Variants in CATSPER4 observed in about 807,000 individuals in gnomAD.
CATSPER4 encodes cation channel sperm-associated protein 4.
Under a neutral mutation model 54.4 loss-of-function variants are expected in CATSPER4, and 46 were observed. The ratio of observed to expected loss-of-function variants is 0.84; its 90% CI spans 0.67 to 1.08. CATSPER4 has a LOEUF of 1.08. CATSPER4 is among the 50% of genes least tolerant of loss of function. The pLI, the probability that CATSPER4 is intolerant of heterozygous loss-of-function variation, is 0.00. For synonymous variants in CATSPER4, 230 were observed against 231.9 expected, an observed-to-expected ratio of 0.99 and a Z score of 0.08; for missense variants, 574 against 612.8, an observed-to-expected ratio of 0.94 and a Z score of 0.67.
At chr1:26,199,028 C>T (rs995789598) in intron 6 of CATSPER4, among the ~76,000 whole-genome samples, 2 of 152,138 alleles carry the variant, frequency 1.3e-5, no homozygotes, top group Non-Finnish European at 2.9e-5. Flanking sequence ...TGGCCGGGGC[C>T]GGGCGCGGTG....
Position 26,202,959 on chromosome 1 carries a change from T to C in CATSPER4, c.*417T>C, listed in dbSNP as rs1272184619. 1 of 222,498 alleles carries C rather than the reference T, an allele frequency of 4.5e-6. No individual in the cohort carries two copies. Among genetic ancestry groups the C allele is most frequent in the Non-Finnish European group, 9.0e-6 (1 of 110,542 alleles). 13.8% of individuals were successfully genotyped at this position (222,498 alleles called of 1,614,324 possible). ...TGTGTGTTGACAATAAAGTTTTGTG[T>C]TGGAATCAATGTCTCTGACTGGTGG... On this transcript the variant is annotated 3_prime_UTR_variant, in exon 10 of 10. Coordinates refer to ENST00000456354, the MANE Select transcript of CATSPER4 (RefSeq NM_198137.2).
At chr1:26,199,092 G>A (rs1272822935) in intron 6 of CATSPER4, among the ~76,000 whole-genome samples, 3 of 152,032 alleles carry the variant, frequency 2.0e-5, no homozygotes, top group African/African-American at 7.2e-5. Flanking sequence ...AGCTCACGAG[G>A]TCAGATCAAG....
intron 3 of CATSPER4, among the ~76,000 whole-genome samples, chr1:26,194,868 C>G (rs1390248918): frequency 6.6e-6 from 1 of 152,096 alleles, no homozygotes; most frequent in African/African-American, 2.4e-5. Context: ...AAGAGGATCA[C>G]TTGAGGCTAG....
At chr1:26,199,825 A>G in intron 6 of CATSPER4, 59 bp from the exon 7 acceptor site, 1 of 1,588,798 alleles carries the variant, frequency 6.3e-7, no homozygotes, top group African/African-American at 1.3e-5. Context: ...TTTCAATGAC[A>G]AGGAAACTCA....
chr1:26,201,651 C>G, intron 9 of CATSPER4, 132 bp downstream of exon 9: 3 of 788,634 alleles, frequency 3.8e-6, no homozygotes, highest in Non-Finnish European at 6.4e-6. Context: ...CACCACCACC[C>G]CTCCTTTTTT....
chr1:26,200,952 A>C lies in CATSPER4; in HGVS notation c.1110A>C (p.Ser370=). 1 of 1,614,144 alleles carries C rather than the reference A, an allele frequency of 6.2e-7. No individual in the cohort carries two copies. Among genetic ancestry groups the C allele is most frequent in the Non-Finnish European group, 8.5e-7 (1 of 1,180,016 alleles). The change falls in exon 8 of 10, where the codon TCA becomes TCC. Residue 370 remains serine, a synonymous_variant. Transcript: ENST00000456354. The part of the protein sequence containing the change: ...PLAGGPLSNL[S]ENTCDNFCLV... ...CGGGAGGCCCCCTGTCGAACCTCTC[A>C]GAAAACACGTGTGACAACTTTTGCT...
rs367781080 is a variant in CATSPER4, at chr1:26,201,436, T to A, written c.1282T>A (p.Ser428Thr). ...VLNRRSSTSG[S>T]LETTSSKDIR... ...GAACAGGCGCTCGTCGACGAGCGGG[T>A]CGTTGGAGACTACGTCATCCAAGGA... The change falls in exon 9 of 10, where the codon TCG (serine) becomes ACG (threonine). Residue 428 changes from serine to threonine, a missense_variant. Coordinates refer to ENST00000456354, the MANE Select transcript of CATSPER4 (RefSeq NM_198137.2). 4.1e-5 allele frequency: 66 copies of A among 1,613,896 alleles called. No homozygotes were observed. The highest frequency in any genetic ancestry group is 5.3e-5 in the African/African-American group (4 of 74,890).
chr1:26,198,943 G>A (rs1288297559), intron 6 of CATSPER4, among the ~76,000 whole-genome samples: 3 of 152,138 alleles, frequency 2.0e-5, no homozygotes, highest in Non-Finnish European at 4.4e-5. Flanking sequence ...CTACATGTGA[G>A]TATAGAAGCC....
In CATSPER4 at chr1:26,201,497, G is replaced by A; in HGVS notation, c.1343G>A (p.Ser448Asn). 6.2e-7 allele frequency: 1 copy of A among 1,614,044 alleles called. No individual in the cohort carries two copies. Among genetic ancestry groups the A allele is most frequent in the Non-Finnish European group, 8.5e-7 (1 of 1,179,978 alleles). ...ATGTCTCAACAGCAAGACTTGCTCA[G>A]TGCGCTCGTTAGCATGGAAAAGGTG... ...RQMSQQQDLL[S>N]ALVSMEKVHD... Residue 448 changes from serine to asparagine, a missense_variant, in exon 9 of 10, where the codon AGT (serine) becomes AAT (asparagine). By Grantham distance (46) the Ser-to-Asn change is conservative. Coordinates refer to ENST00000456354, the MANE Select transcript of CATSPER4 (RefSeq NM_198137.2).
In CATSPER4 at chr1:26,197,801, G is replaced by C; in HGVS notation, c.557+18G>C. The C allele has an allele frequency of 3.1e-6, 5 of 1,609,786 alleles. No individual in the cohort carries two copies. Among genetic ancestry groups the C allele is most frequent in the Non-Finnish European group, 4.3e-6 (5 of 1,176,174 alleles). On this transcript the variant is annotated intron_variant, in intron 4 of 9. Transcript: ENST00000456354. ...ACTCTCAGGTGAGCGGGGAGCTCTG[G>C]AGAAATGAGGGGGACCTATCTGGAA...
intron 7 of CATSPER4, 135 bp from the exon 8 acceptor site, chr1:26,200,695 G>A (rs1019198745): frequency 1.4e-6 from 1 of 718,116 alleles, no homozygotes; most frequent in African/African-American, 1.9e-5. Flanking sequence ...GTGAGGCTAA[G>A]ATTGGTGAGA....
Position 26,190,661 on chromosome 1 carries a change from T to C in CATSPER4, c.34T>C (p.Trp12Arg), listed in dbSNP as rs749608817. 5.0e-6 allele frequency: 8 copies of C among 1,607,870 alleles called. No individual in the cohort carries two copies. Among genetic ancestry groups the C allele is most frequent in the Non-Finnish European group, 6.8e-6 (8 of 1,179,828 alleles). ...RDNEKAWWQQ[W>R]TSHTGLEGWG... Reference sequence around the variant, plus strand: ...TAATGAAAAGGCCTGGTGGCAGCAATGGACCTCCCATACAGGCCTCGAGGG... The same window carrying C: ...TAATGAAAAGGCCTGGTGGCAGCAACGGACCTCCCATACAGGCCTCGAGGG... Residue 12 changes from tryptophan to arginine, a missense_variant, in exon 1 of 10, where the codon TGG becomes CGG. Physicochemically the swap from Trp to Arg is moderately radical, Grantham distance 101. Coordinates refer to ENST00000456354, the MANE Select transcript of CATSPER4 (RefSeq NM_198137.2).
In CATSPER4 at chr1:26,202,556, G is replaced by A. The variant is rs1369499802; in HGVS notation, c.*14G>A. On this transcript the variant is annotated 3_prime_UTR_variant, in exon 10 of 10. Transcript: ENST00000456354. ...AGCAGCCACTGAGAGGCCAGGATGG[G>A]AGCCAAGGGGCCTGCACACACACAC... The A allele has an allele frequency of 6.2e-7, 1 of 1,607,946 alleles. No homozygotes were observed. Among genetic ancestry groups the A allele is most frequent in the Non-Finnish European group, 8.5e-7 (1 of 1,176,652 alleles).
intron 1 of CATSPER4, 85 bp from the exon 2 acceptor site, chr1:26,191,202 G>GAACCCCCATTCTCTAAGAGCA: frequency 6.5e-7 from 1 of 1,535,164 alleles, no homozygotes; most frequent in Non-Finnish European, 8.9e-7. Flanking sequence ...TGGGCCCCAG[G>GAACCCCCATTCTCTAAGAGCA]AACCCCCATT....
rs542066809 is a variant in CATSPER4, at chr1:26,198,681, A to C, written c.812+262A>C. Among the ~76,000 whole-genome samples, 3 of 152,324 alleles carry C rather than the reference A, an allele frequency of 2.0e-5. No individual in the cohort carries two copies. In the South Asian group the frequency reaches 6.2e-4, roughly 32 times the overall value. On this transcript the variant is annotated intron_variant, in intron 6 of 9. Coordinates refer to ENST00000456354, the MANE Select transcript of CATSPER4 (RefSeq NM_198137.2). ...CTCCCATCATGCTAACCAGCTGGGTAGTTGGCCTTGGATAAGGCAGCAGGT... is the reference window on the plus strand; with the variant it reads ...CTCCCATCATGCTAACCAGCTGGGTCGTTGGCCTTGGATAAGGCAGCAGGT...
intron 9 of CATSPER4, 22 bp from the exon 10 acceptor site, chr1:26,202,467 A>C (rs1383649669): frequency 6.2e-7 from 1 of 1,609,028 alleles, no homozygotes; most frequent in East Asian, 2.2e-5. Context: ...GGGGATTAAC[A>C]AGAAGACCTC....
In CATSPER4 at chr1:26,193,894, A is replaced by C. The variant is rs1483146784; in HGVS notation, c.459+6A>C. On this transcript the variant is annotated splice_donor_region_variant and intron_variant, in intron 3 of 9. Coordinates refer to ENST00000456354, the MANE Select transcript of CATSPER4 (RefSeq NM_198137.2). ...GCTTCTGGATTTTCTGGAAGGTGAG[A>C]TCCTGAGCCCTTTGCCCCTACTTCC... The C allele has an allele frequency of 6.2e-7, 1 of 1,607,550 alleles. No homozygotes were observed. Among genetic ancestry groups the C allele is most frequent in the African/African-American group, 1.3e-5 (1 of 74,752 alleles).
In CATSPER4 at chr1:26,190,881, T is replaced by G. The variant is rs1346393045; in HGVS notation, c.213+41T>G. 8 of 1,552,534 alleles carry G rather than the reference T, an allele frequency of 5.2e-6. No individual in the cohort carries two copies. In the East Asian group the frequency reaches 1.6e-4, roughly 32 times the overall value. On this transcript the variant is annotated intron_variant, in intron 1 of 9. Coordinates refer to ENST00000456354, the MANE Select transcript of CATSPER4 (RefSeq NM_198137.2). ...GCCCCACAGTGGCCCCTTCTGCAGC[T>G]GTGCTCATGGGCAGCAGGCCCTCAT...
In CATSPER4 at chr1:26,201,024, C is replaced by T; in HGVS notation, c.1182C>T (p.Ile394=). 1 of 1,613,764 alleles carries T rather than the reference C, an allele frequency of 6.2e-7. No individual in the cohort carries two copies. Among genetic ancestry groups the T allele is most frequent in the Non-Finnish European group, 8.5e-7 (1 of 1,179,654 alleles). The change falls in exon 8 of 10, where the codon ATC becomes ATT. Residue 394 remains isoleucine, a synonymous_variant. Coordinates refer to ENST00000456354, the MANE Select transcript of CATSPER4 (RefSeq NM_198137.2). ...IQENLRQYKE[I]RDELNMIVEE... ...AGAACCTGAGGCAGTACAAGGAGAT[C>T]CGAGATGAACTCAACATGTAGGGGA...
Sources: allele counts gnomAD v4.1 joint callset (sites outside exome capture counted in the v4.1 genomes callset), GRCh38; gene constraint gnomAD v4.1.1; transcripts MANE v1.5; gene names NCBI Gene and HGNC (gene_info 2026-07-23, HGNC 2026-07-21).